NWD2: variants seen among roughly 807,000 people sequenced by gnomAD.
The protein encoded by NWD2 is NACHT and WD repeat domain-containing protein 2.
Under a neutral mutation model 132.7 loss-of-function variants are expected in NWD2, and 37 were observed. The ratio of observed to expected loss-of-function variants is 0.28; its 90% CI spans 0.21 to 0.37. The LOEUF is 0.37. Ranked by LOEUF, NWD2 falls within the 10% of genes least tolerant of loss-of-function variation. The pLI, the probability that NWD2 is intolerant of heterozygous loss-of-function variation, is 1.00. For synonymous variants in NWD2, 705 were observed against 803.0 expected, an observed-to-expected ratio of 0.88 and a Z score of 2.06; for missense variants, 1,592 against 2,122.4, an observed-to-expected ratio of 0.75 and a Z score of 4.91.
intron 3 of NWD2, among the ~76,000 whole-genome samples, chr4:37,376,490 AG>A (rs1312014401): frequency 6.6e-6 from 1 of 152,166 alleles, no homozygotes; most frequent in African/African-American, 2.4e-5. Flanking sequence ...TTTTTGTCAG[AG>A]GCTCTAGAGC....
intron 3 of NWD2, among the ~76,000 whole-genome samples, chr4:37,376,184 C>T (rs1720346789): frequency 6.6e-6 from 1 of 152,116 alleles, no homozygotes; most frequent in African/African-American, 2.4e-5. Context: ...TACTTGTGAA[C>T]CATCTTGATT....
At chr4:37,397,814 T>TTCTCC (rs1720828548) in intron 3 of NWD2, among the ~76,000 whole-genome samples, 1 of 151,932 alleles carries the variant, frequency 6.6e-6, no homozygotes, top group African/African-American at 2.4e-5. Flanking sequence ...TCTCTCTCTT[T>TTCTCC]CTCCCTCCCT....
At chr4:37,256,630 G>A (rs892242489) in intron 1 of NWD2, among the ~76,000 whole-genome samples, 1 of 152,120 alleles carries the variant, frequency 6.6e-6, no homozygotes, top group Non-Finnish European at 1.5e-5. Context: ...ATCTGCTACC[G>A]ACACTGAAAA....
chr4:37,340,683 G>A (rs56967672), intron 2 of NWD2, among the ~76,000 whole-genome samples: 1,927 of 152,240 alleles, frequency 0.013, 37 homozygotes, highest in Admixed American at 0.045. Context: ...GTGGGAGATG[G>A]CTAGGTTAAA....
intron 2 of NWD2, among the ~76,000 whole-genome samples, chr4:37,330,634 G>A (rs531324089): frequency 5.9e-5 from 9 of 152,208 alleles, no homozygotes; most frequent in East Asian, 1.9e-4. Context: ...TTATTTTCCC[G>A]CTTACCCCTA....
intron 3 of NWD2, among the ~76,000 whole-genome samples, chr4:37,419,751 C>A (rs1159331468): frequency 6.6e-6 from 1 of 152,142 alleles, no homozygotes; most frequent in East Asian, 1.9e-4. Flanking sequence ...ACGTACCACA[C>A]ATTATGGGAA....
chr4:37,374,940 C>T (rs1720314649), intron 3 of NWD2, among the ~76,000 whole-genome samples: 1 of 152,086 alleles, frequency 6.6e-6, no homozygotes. Context: ...TGTTAATTAC[C>T]AAAGTAGCTT....
intron 5 of NWD2, among the ~76,000 whole-genome samples, chr4:37,437,368 C>T (rs745476125): frequency 2.6e-5 from 4 of 152,122 alleles, no homozygotes; most frequent in Non-Finnish European, 5.9e-5. Flanking sequence ...TATATGAACA[C>T]GACTTTCATT....
rs1406653100 is a variant in NWD2, at chr4:37,275,116, A to G, written c.151+29898A>G. Among the ~76,000 whole-genome samples, 3 of 152,142 alleles carry G rather than the reference A, an allele frequency of 2.0e-5. No homozygotes were observed. The East Asian group carries it at 5.8e-4, about 29-fold the overall frequency. On this transcript the variant is annotated intron_variant, in intron 1 of 6. Coordinates refer to ENST00000309447, the MANE Select transcript of NWD2 (RefSeq NM_001144990.2). ...AGGAGAAGGAAATAAAGGGTATTCA[A>G]TTAGGAAAAGAGGAAGTCAAATTGT...
intron 2 of NWD2, among the ~76,000 whole-genome samples, chr4:37,335,422 C>T (rs927864843): frequency 1.3e-5 from 2 of 151,980 alleles, no homozygotes; most frequent in African/African-American, 4.8e-5. Context: ...TCTTTACTAG[C>T]ATGTCTTATT....
At chr4:37,284,663 A>G (rs190599896) in intron 1 of NWD2, among the ~76,000 whole-genome samples, 12 of 152,356 alleles carry the variant, frequency 7.9e-5, no homozygotes, top group Non-Finnish European at 1.6e-4. Flanking sequence ...AGTAAAAGGA[A>G]GACATTGTTC....
intron 3 of NWD2, among the ~76,000 whole-genome samples, chr4:37,367,320 G>T (rs539487970): frequency 6.6e-6 from 1 of 152,210 alleles, no homozygotes; most frequent in East Asian, 1.9e-4. Flanking sequence ...TGTGGATTCA[G>T]CTAATGATAC....
intron 2 of NWD2, among the ~76,000 whole-genome samples, chr4:37,340,485 G>T (rs1242646427): frequency 6.6e-6 from 1 of 152,202 alleles, no homozygotes; most frequent in Non-Finnish European, 1.5e-5. Flanking sequence ...TGAAAACAGA[G>T]TACCTGCCCT....
At chr4:37,353,468 T>A (rs1047290377) in intron 2 of NWD2, among the ~76,000 whole-genome samples, 2 of 152,140 alleles carry the variant, frequency 1.3e-5, no homozygotes, top group Admixed American at 1.3e-4. Flanking sequence ...TCCCTGTCAC[T>A]TTTCAGATAC....
intron 1 of NWD2, among the ~76,000 whole-genome samples, chr4:37,290,708 G>A (rs1418878): frequency 0.21 from 32,081 of 152,182 alleles, 4,805 homozygotes; most frequent in African/African-American, 0.42. Context: ...GAGGGATGCA[G>A]TAAAAGGTGA....
In NWD2 at chr4:37,430,713, T is replaced by G. The variant is rs1577700519; in HGVS notation, c.499T>G (p.Ser167Ala). ...LEEWYCRDEN[S>A]VPAAYYLRPK... ...GGAGTGGTACTGTCGAGATGAGAAC[T>G]CGGTGCCAGCAGCCTATTACCTCAG... The change falls in exon 4 of 7, where the codon TCG becomes GCG. Residue 167 changes from serine to alanine, a missense_variant. By Grantham distance (99) the Ser-to-Ala change is moderately conservative (BLOSUM62 1). This residue lies in a region of NWD2 where 144 missense variants were observed against 185.7 expected (regional missense o/e 0.78). Coordinates refer to ENST00000309447, the MANE Select transcript of NWD2 (RefSeq NM_001144990.2). 1 of 1,551,664 alleles carries G rather than the reference T, an allele frequency of 6.4e-7. No homozygotes were observed. The highest frequency in any genetic ancestry group is 1.2e-5 in the South Asian group (1 of 84,046).
chr4:37,425,652 C>T (rs1172459975), intron 3 of NWD2, among the ~76,000 whole-genome samples: 1 of 152,150 alleles, frequency 6.6e-6, no homozygotes, highest in Non-Finnish European at 1.5e-5. Context: ...AAGTGGACTT[C>T]AATGCAAAAT....
intron 3 of NWD2, among the ~76,000 whole-genome samples, chr4:37,393,323 AACAGAAAT>A (rs1269740399): frequency 6.6e-6 from 1 of 152,202 alleles, no homozygotes; most frequent in Non-Finnish European, 1.5e-5. Context: ...GAAATTTTAC[AACAGAAAT>A]GATTGACCCT....
At chr4:37,352,288 TC>T (rs765793032) in intron 2 of NWD2, among the ~76,000 whole-genome samples, 6 of 152,196 alleles carry the variant, frequency 3.9e-5, no homozygotes, top group Non-Finnish European at 8.8e-5. Flanking sequence ...TATTAAAGAC[TC>T]CCGCTATTAT....
Sources: allele counts gnomAD v4.1 joint callset (sites outside exome capture counted in the v4.1 genomes callset), GRCh38; gene constraint gnomAD v4.1.1; regional missense constraint gnomAD v4.1.1; transcripts MANE v1.5; gene names NCBI Gene and HGNC (gene_info 2026-07-23, HGNC 2026-07-21).